DSCAM: variants seen among roughly 807,000 people sequenced by gnomAD.
DSCAM encodes the protein DS cell adhesion molecule.
DSCAM carries 47 observed loss-of-function variants against 217.7 expected under a neutral mutation model. That is an observed-to-expected ratio of 0.22 (90% CI 0.17 to 0.28). The LOEUF is 0.28. Ranked by LOEUF, DSCAM falls within the 10% of genes least tolerant of loss-of-function variation. The pLI is 1.00. For synonymous variants in DSCAM, 1,056 were observed against 1,015.3 expected, an observed-to-expected ratio of 1.04 and a Z score of -0.76; for missense variants, 2,080 against 2,618.3, an observed-to-expected ratio of 0.79 and a Z score of 4.49.
chr21:40,376,722 C>G (rs997614880), intron 3 of DSCAM, among the ~76,000 whole-genome samples: 19 of 140,620 alleles, frequency 1.4e-4, no homozygotes, highest in Non-Finnish European at 1.7e-4. Context: ...ATCTATATAT[C>G]ATATATATGA....
chr21:40,730,763 GTAGATT>G (rs991962491), intron 1 of DSCAM, among the ~76,000 whole-genome samples: 7 of 152,208 alleles, frequency 4.6e-5, no homozygotes, highest in African/African-American at 1.7e-4. Flanking sequence ...TTTCAAATCA[GTAGATT>G]TAGAGTATTT....
At chr21:40,419,861 A>G (rs1168067720) in intron 3 of DSCAM, among the ~76,000 whole-genome samples, 2 of 152,106 alleles carry the variant, frequency 1.3e-5, no homozygotes, top group African/African-American at 4.8e-5. Context: ...ATTATATAAA[A>G]TTACCCACTT....
chr21:40,648,603 T>C (rs2089977886), intron 3 of DSCAM, among the ~76,000 whole-genome samples: 1 of 152,174 alleles, frequency 6.6e-6, no homozygotes, highest in Non-Finnish European at 1.5e-5. Flanking sequence ...CCTTCATCTA[T>C]TTTACATATA....
At chr21:40,683,919 A>G (rs2090445847) in intron 3 of DSCAM, among the ~76,000 whole-genome samples, 1 of 152,196 alleles carries the variant, frequency 6.6e-6, no homozygotes, top group South Asian at 2.1e-4. Flanking sequence ...GCATCCAGAC[A>G]ATCAGTGAAG....
intron 7 of DSCAM, among the ~76,000 whole-genome samples, chr21:40,338,727 C>T (rs9976264): frequency 6.6e-6 from 1 of 152,168 alleles, no homozygotes; most frequent in Non-Finnish European, 1.5e-5. Flanking sequence ...AATTGTTTAA[C>T]TCTCTCTGTA....
intron 19 of DSCAM, among the ~76,000 whole-genome samples, chr21:40,127,861 C>T (rs1905434084): frequency 6.6e-6 from 1 of 152,174 alleles, no homozygotes; most frequent in Non-Finnish European, 1.5e-5. Flanking sequence ...CTCCCCAACA[C>T]TGAGCTCTGT....
At chr21:40,331,833 A>G (rs958943398) in intron 8 of DSCAM, among the ~76,000 whole-genome samples, 29 of 152,066 alleles carry the variant, frequency 1.9e-4, no homozygotes, top group African/African-American at 7.0e-4. Flanking sequence ...ATAAAATATG[A>G]CTCTGAAAGC....
chr21:40,465,625 G>A (rs754641833), intron 3 of DSCAM, among the ~76,000 whole-genome samples: 2 of 152,190 alleles, frequency 1.3e-5, no homozygotes, highest in East Asian at 1.9e-4. Flanking sequence ...ACACTAATGT[G>A]TAAACTTTCT....
intron 3 of DSCAM, among the ~76,000 whole-genome samples, chr21:40,460,959 A>G (rs2075800935): frequency 6.6e-6 from 1 of 152,238 alleles, no homozygotes; most frequent in Non-Finnish European, 1.5e-5. Flanking sequence ...AGGAATTTAT[A>G]CAACAGATAT....
chr21:40,795,891 G>A (rs1012368687), intron 1 of DSCAM, among the ~76,000 whole-genome samples: 2 of 152,202 alleles, frequency 1.3e-5, no homozygotes, highest in Non-Finnish European at 2.9e-5. Flanking sequence ...GAAAGGCAGG[G>A]AGAGGGACTT....
At chr21:40,718,859 C>T (rs2090871450) in intron 1 of DSCAM, among the ~76,000 whole-genome samples, 1 of 152,164 alleles carries the variant, frequency 6.6e-6, no homozygotes, top group African/African-American at 2.4e-5. Context: ...GGTGCAGTAG[C>T]TGATGCCTGT....
intron 3 of DSCAM, among the ~76,000 whole-genome samples, chr21:40,498,787 A>ATATATGGGTG (rs2076148698): frequency 7.5e-5 from 2 of 26,680 alleles, no homozygotes; most frequent in South Asian, 1.0e-3. Flanking sequence ...GTGTGTATAT[A>ATATATGGGTG]TATATATATA....
At position 40,708,636 on chromosome 21, in the gene DSCAM, A is replaced by G; in HGVS notation, c.179T>C (p.Leu60Pro). The G allele has an allele frequency of 6.2e-7, 1 of 1,613,304 alleles. No homozygotes were observed. Among genetic ancestry groups the G allele is most frequent in the Non-Finnish European group, 8.5e-7 (1 of 1,179,670 alleles). ...GIPPVTLRWYLATGEEIYDVP... is the reference protein window; with the variant it reads ...GIPPVTLRWYPATGEEIYDVP... Reference sequence around the variant, plus strand: ...ATCGTAGATCTCCTCGCCCGTGGCTAGGTACCATCTGAGAGTCACAGGAGG... The same window carrying G: ...ATCGTAGATCTCCTCGCCCGTGGCTGGGTACCATCTGAGAGTCACAGGAGG... The change falls in exon 2 of 33, where the codon CTA (leucine) becomes CCA (proline). Residue 60 changes from leucine (L) to proline (P), a missense_variant. By Grantham distance (98) the Leu-to-Pro change is moderately conservative. Around this residue, in one of 5 missense-constraint regions of DSCAM, gnomAD observed 568 missense variants for 678.1 expected, o/e 0.84. Transcript: ENST00000400454.
intron 10 of DSCAM, among the ~76,000 whole-genome samples, chr21:40,283,207 C>A (rs1478681975): frequency 1.3e-5 from 2 of 152,142 alleles, no homozygotes; most frequent in Non-Finnish European, 2.9e-5. Context: ...TAAAATTTAA[C>A]CCAAAGCATC....
chr21:40,376,489 A>AGATATCTATATATCTTATATC lies in DSCAM; in HGVS notation c.509-7265_509-7245dup, dbSNP rs1569092753. Among the ~76,000 whole-genome samples, 34 of 86,756 alleles carry AGATATCTATATATCTTATATC rather than the reference A, an allele frequency of 3.9e-4. 3 individuals carry two copies. The highest frequency in any genetic ancestry group is 1.7e-3 in the East Asian group (4 of 2,412). The allele number at this position is 86,756 out of a possible 152,430, so 56.9% of individuals were successfully genotyped here. The stretch of plus-strand genomic sequence containing the variant: ...ATATAGATATCTATATATCTTATAT[A>AGATATCTATATATCTTATATC]GATATCTATATATCTTATATCGATA... On this transcript the variant is annotated intron_variant, in intron 3 of 32. Transcript: ENST00000400454.
At chr21:40,456,028 T>C (rs1393050418) in intron 3 of DSCAM, among the ~76,000 whole-genome samples, 1 of 152,012 alleles carries the variant, frequency 6.6e-6, no homozygotes, top group Non-Finnish European at 1.5e-5. Flanking sequence ...ACATGGCACA[T>C]GTATACATAT....
At chr21:40,808,935 T>C (rs2091813095) in intron 1 of DSCAM, among the ~76,000 whole-genome samples, 1 of 152,208 alleles carries the variant, frequency 6.6e-6, no homozygotes, top group Admixed American at 6.5e-5. Context: ...TCCAGGCTCC[T>C]TAACCTGCGC....
At chr21:40,644,156 C>A (rs1447034615) in intron 3 of DSCAM, among the ~76,000 whole-genome samples, 1 of 152,212 alleles carries the variant, frequency 6.6e-6, no homozygotes, top group Non-Finnish European at 1.5e-5. Flanking sequence ...GCAGAGTGAG[C>A]AAAGCCAGCA....
At chr21:40,358,067 G>T (rs1299766798) in intron 4 of DSCAM, among the ~76,000 whole-genome samples, 1 of 152,044 alleles carries the variant, frequency 6.6e-6, no homozygotes, top group Admixed American at 6.5e-5. Flanking sequence ...CTTTGGCAGG[G>T]GTGGCTGACA....
Sources: allele counts gnomAD v4.1 joint callset (sites outside exome capture counted in the v4.1 genomes callset), GRCh38; gene constraint gnomAD v4.1.1; regional missense constraint gnomAD v4.1.1; transcripts MANE v1.5; gene names NCBI Gene and HGNC (gene_info 2026-07-23, HGNC 2026-07-21).